Variants in MGAT4C observed in about 807,000 individuals in gnomAD.
MGAT4C encodes the protein MGAT4 family member C, also known as alpha-1,3-mannosyl-glycoprotein 4-beta-N-acetylglucosaminyltransferase C.
MGAT4C carries 19 observed loss-of-function variants against 40.1 expected under a neutral mutation model. The ratio of observed to expected loss-of-function variants is 0.47; its 90% CI spans 0.33 to 0.70. The LOEUF is 0.70. MGAT4C is among the 30% of genes least tolerant of loss of function. The pLI is 0.02. For synonymous variants in MGAT4C, 181 were observed against 187.1 expected (o/e 0.97, Z 0.27); for missense variants, 491 against 563.2 (o/e 0.87, Z 1.30).
At chr12:86,437,880 C>CTGT (rs1238701808) in intron 2 of MGAT4C, among the ~76,000 whole-genome samples, 2 of 151,900 alleles carry the variant, frequency 1.3e-5, no homozygotes, top group African/African-American at 4.8e-5. Flanking sequence ...CACTGACCAG[C>CTGT]TGTTACTCAT....
At chr12:86,660,697 C>G (rs1963960155) in intron 2 of MGAT4C, among the ~76,000 whole-genome samples, 1 of 152,080 alleles carries the variant, frequency 6.6e-6, no homozygotes, top group Non-Finnish European at 1.5e-5. Context: ...TAACGGTACC[C>G]TTTTATTCCC....
At chr12:86,420,776 C>CATATTTAT (rs1956805641) in intron 3 of MGAT4C, among the ~76,000 whole-genome samples, 2 of 144,190 alleles carry the variant, frequency 1.4e-5, no homozygotes, top group African/African-American at 5.2e-5. Flanking sequence ...ATTTACCTGA[C>CATATTTAT]ATATATATAT....
intron 3 of MGAT4C, among the ~76,000 whole-genome samples, chr12:86,412,071 G>A (rs1956617186): frequency 6.6e-6 from 1 of 152,316 alleles, no homozygotes; most frequent in Non-Finnish European, 1.5e-5. Context: ...CTAGATGTCA[G>A]AAGATGTATC....
chr12:86,017,701 C>T (rs73374403), intron 2 of MGAT4C, among the ~76,000 whole-genome samples: 26,533 of 151,962 alleles, frequency 0.17, 2,618 homozygotes, highest in African/African-American at 0.27. Flanking sequence ...TGAGAAGCCA[C>T]GCAATTTAGG....
At chr12:86,801,829 TC>T (rs780648377) in intron 1 of MGAT4C, among the ~76,000 whole-genome samples, 14,528 of 151,830 alleles carry the variant, frequency 0.096, 951 homozygotes, top group Non-Finnish European at 0.14. Context: ...TAACCCTAAT[TC>T]TTCCAGAAAT....
intron 2 of MGAT4C, among the ~76,000 whole-genome samples, chr12:86,575,233 ATTCT>A (rs1211085205): frequency 8.4e-6 from 1 of 119,326 alleles, no homozygotes; most frequent in Non-Finnish European, 1.8e-5. Flanking sequence ...ATCCAATTGC[ATTCT>A]TTATTTTAAA....
At chr12:86,579,279 T>C (rs1013056257) in intron 2 of MGAT4C, among the ~76,000 whole-genome samples, 4 of 151,648 alleles carry the variant, frequency 2.6e-5, no homozygotes, top group Non-Finnish European at 5.9e-5. Flanking sequence ...TCTCTGGTGA[T>C]ATAATTCAGG....
intron 1 of MGAT4C, among the ~76,000 whole-genome samples, chr12:86,780,421 G>A (rs374115300): frequency 2.0e-4 from 31 of 152,218 alleles, no homozygotes; most frequent in African/African-American, 7.0e-4. Context: ...TAGAGGAGGG[G>A]CGGGTGGGAG....
At chr12:86,197,593 C>T (rs891708234) in intron 1 of MGAT4C, among the ~76,000 whole-genome samples, 1 of 152,128 alleles carries the variant, frequency 6.6e-6, no homozygotes, top group African/African-American at 2.4e-5. Flanking sequence ...GCACAGTTAT[C>T]CCAGACTTCC....
At chr12:86,517,656 A>G (rs77809205) in intron 2 of MGAT4C, among the ~76,000 whole-genome samples, 19,567 of 147,840 alleles carry the variant, frequency 0.13, 1,470 homozygotes, top group East Asian at 0.25. Context: ...TTGTTTGTTT[A>G]TTTATTTAGA....
At chr12:86,587,943 C>G (rs1389943533) in intron 2 of MGAT4C, among the ~76,000 whole-genome samples, 1 of 151,786 alleles carries the variant, frequency 6.6e-6, no homozygotes, top group African/African-American at 2.4e-5. Context: ...CCTTTATTTC[C>G]TTCTCCTGAC....
chr12:86,487,521 G>A (rs1800281865), intron 2 of MGAT4C, among the ~76,000 whole-genome samples: 1 of 152,136 alleles, frequency 6.6e-6, no homozygotes, highest in Non-Finnish European at 1.5e-5. Context: ...GAATTTTGAT[G>A]TTTATAATTG....
rs569451525 is a variant in MGAT4C at position 86,756,425 on chromosome 12, T to C, written c.-261-29184A>G. The stretch of plus-strand genomic sequence containing the variant: ...ATTAGGCCTGCAACATACGATTTTT[T>C]TTTTTGAGTTGGGGGCATAATTCAA... On this transcript the variant is annotated intron_variant, in intron 1 of 7. Coordinates refer to the MGAT4C transcript ENST00000548651. 2.6e-5 allele frequency among the ~76,000 whole-genome samples: 4 copies of C among 152,260 alleles called. No homozygotes were observed. The East Asian group carries it at 5.8e-4, about 22-fold the overall frequency.
intron 1 of MGAT4C, among the ~76,000 whole-genome samples, chr12:86,234,774 C>T (rs1180138850): frequency 6.6e-6 from 1 of 152,066 alleles, no homozygotes; most frequent in Non-Finnish European, 1.5e-5. Flanking sequence ...TCACACTACC[C>T]CACTGCAACT....
chr12:86,566,505 G>C (rs2136415529), intron 2 of MGAT4C, among the ~76,000 whole-genome samples: 1 of 131,412 alleles, frequency 7.6e-6, no homozygotes, highest in South Asian at 2.6e-4. Context: ...GTGATCATGT[G>C]AGTTAATACT....
At chr12:86,520,317 T>C (rs1392594365) in intron 2 of MGAT4C, among the ~76,000 whole-genome samples, 1 of 152,154 alleles carries the variant, frequency 6.6e-6, no homozygotes, top group Admixed American at 6.6e-5. Flanking sequence ...TGAGAATATG[T>C]GGTGTTCAGA....
intron 1 of MGAT4C, among the ~76,000 whole-genome samples, chr12:86,164,091 A>G (rs1385594533): frequency 6.6e-6 from 1 of 152,206 alleles, no homozygotes; most frequent in Non-Finnish European, 1.5e-5. Context: ...TGAGTGAAAT[A>G]TAAGAATGTC....
chr12:86,536,109 A>T (rs1299754596), intron 2 of MGAT4C, among the ~76,000 whole-genome samples: 1 of 152,108 alleles, frequency 6.6e-6, no homozygotes, highest in Non-Finnish European at 1.5e-5. Context: ...ATCCATGTTA[A>T]TACACAGTCT....
At chr12:86,273,030 G>GA (rs907437044) in intron 4 of MGAT4C, among the ~76,000 whole-genome samples, 2 of 151,740 alleles carry the variant, frequency 1.3e-5, no homozygotes, top group Admixed American at 6.6e-5. Flanking sequence ...TCTTAGAACA[G>GA]AAAAAAAATA....
Sources: allele counts gnomAD v4.1 joint callset (sites outside exome capture counted in the v4.1 genomes callset), GRCh38; gene constraint gnomAD v4.1.1; transcripts MANE v1.5; gene names NCBI Gene and HGNC (gene_info 2026-07-23, HGNC 2026-07-21).